The following SLC11A2 variants were observed in gnomAD, a reference collection of about 807,000 sequenced individuals.
SLC11A2 encodes solute carrier family 11 member 2.
Under a neutral mutation model 68.0 loss-of-function variants are expected in SLC11A2, and 38 were observed. The ratio of observed to expected loss-of-function variants is 0.56; its 90% CI spans 0.43 to 0.73. The LOEUF (loss-of-function observed/expected upper bound fraction) is 0.73, where lower values mean the gene tolerates loss of function less well. SLC11A2 is among the 30% of genes least tolerant of loss of function. SLC11A2 has a pLI of 0.00. For missense variants in SLC11A2, 517 were observed against 690.5 expected, an observed-to-expected ratio of 0.75 and a Z score of 2.82; for synonymous variants, 242 against 250.6, an observed-to-expected ratio of 0.97 and a Z score of 0.32.
rs1441071768 is a variant in SLC11A2 at position 50,999,334 on chromosome 12, G to A, written c.607+11C>T. Reference sequence around the variant, plus strand: ...CAGCTCCTTTGACCCTCCCATTCCCGCTCTCCTTACCATATTTGTCCAAGA... The same window carrying A: ...CAGCTCCTTTGACCCTCCCATTCCCACTCTCCTTACCATATTTGTCCAAGA... On this transcript the variant is annotated intron_variant, in intron 7 of 15. Coordinates refer to ENST00000262052, the MANE Select transcript of SLC11A2 (RefSeq NM_000617.3). 6.8e-6 allele frequency: 11 copies of A among 1,612,198 alleles called. No individual in the cohort carries two copies. The highest frequency in any genetic ancestry group is 5.5e-5 in the South Asian group (5 of 91,044).
chr12:51,003,442 A>G (rs1942443883), intron 5 of SLC11A2, among the ~76,000 whole-genome samples: 1 of 151,900 alleles, frequency 6.6e-6, no homozygotes, highest in Non-Finnish European at 1.5e-5. Flanking sequence ...AGGCTGAGGC[A>G]GGAGAATCCC....
upstream of SLC11A2, chr12:51,026,472 C>A: frequency 4.2e-6 from 3 of 713,372 alleles, no homozygotes; most frequent in Non-Finnish European, 4.1e-6. Context: ...GGCCGGGATG[C>A]GTGGCCCGCA....
At chr12:51,025,124 A>G (rs1459647802) in intron 1 of SLC11A2, among the ~76,000 whole-genome samples, 1 of 152,230 alleles carries the variant, frequency 6.6e-6, no homozygotes, top group African/African-American at 2.4e-5. Context: ...AGTCACATAT[A>G]ACTACACTAT....
chr12:50,956,160 G>A, the SLC11A2 span, among the ~76,000 whole-genome samples: 22 of 152,228 alleles, frequency 1.4e-4, no homozygotes, highest in African/African-American at 5.1e-4. Flanking sequence ...GGCAGGCCAA[G>A]GTGGGTGGAT....
the SLC11A2 span, chr12:50,954,266 C>A: frequency 2.1e-6 from 1 of 466,858 alleles, no homozygotes; most frequent in Non-Finnish European, 3.8e-6. Flanking sequence ...TGGTAAGCCC[C>A]CAGTAAATGT....
chr12:50,996,687 G>T, intron 9 of SLC11A2, 130 bp downstream of exon 9: 5 of 876,090 alleles, frequency 5.7e-6, no homozygotes, highest in East Asian at 2.6e-5. Context: ...GTTTATAAAT[G>T]TCCAGGCTTG....
the SLC11A2 span, among the ~76,000 whole-genome samples, chr12:50,967,774 T>C: frequency 6.6e-6 from 1 of 152,078 alleles, no homozygotes; most frequent in Non-Finnish European, 1.5e-5. Context: ...TTCCAAACTG[T>C]ATCAGTCAAG....
downstream of SLC11A2, among the ~76,000 whole-genome samples, chr12:50,984,925 G>T (rs750654482): frequency 8.5e-5 from 13 of 152,162 alleles, no homozygotes; most frequent in Non-Finnish European, 1.8e-4. Flanking sequence ...ACACAGGATA[G>T]TTTGGGAATG....
the SLC11A2 span, among the ~76,000 whole-genome samples, chr12:50,958,513 C>A: frequency 2.7e-5 from 4 of 150,300 alleles, no homozygotes; most frequent in Admixed American, 2.0e-4. Flanking sequence ...CATCTCCTGA[C>A]CTCGTGATCC....
In SLC11A2 at chr12:50,996,885, G is replaced by C. The variant is rs776768555; in HGVS notation, c.763C>G (p.Gln255Glu). The change falls in exon 9 of 16, where the codon CAG (glutamine) becomes GAG (glutamate). Residue 255 changes from glutamine to glutamate, a missense_variant. Coordinates refer to ENST00000262052, the MANE Select transcript of SLC11A2 (RefSeq NM_000617.3). Reference sequence around the variant, plus strand: ...ACAGCTCCCACGATGCCCACAGCCTGTTCAATCTGTGGAGTGCGACAGCCT... The same window carrying C: ...ACAGCTCCCACGATGCCCACAGCCTCTTCAATCTGTGGAGTGCGACAGCCT... ...CSGCRTPQIE[Q>E]AVGIVGAVIM... 1 of 1,614,058 alleles carries C rather than the reference G, an allele frequency of 6.2e-7. No individual in the cohort carries two copies. Among genetic ancestry groups the C allele is most frequent in the Non-Finnish European group, 8.5e-7 (1 of 1,179,976 alleles).
At chr12:50,988,647 T>C (rs1389199794) in intron 15 of SLC11A2, among the ~76,000 whole-genome samples, 1 of 152,244 alleles carries the variant, frequency 6.6e-6, no homozygotes, top group Non-Finnish European at 1.5e-5. Flanking sequence ...CATACTATTT[T>C]AAATATTGAA....
At chr12:50,996,772 C>T (rs375391302) in intron 9 of SLC11A2, 45 bp downstream of exon 9, 1 of 1,591,828 alleles carries the variant, frequency 6.3e-7, no homozygotes, top group Non-Finnish European at 8.6e-7. Flanking sequence ...AGGAAAAGAT[C>T]CCATGAACTG....
At chr12:51,017,951 A>C (rs1943774946) in intron 1 of SLC11A2, among the ~76,000 whole-genome samples, 1 of 152,204 alleles carries the variant, frequency 6.6e-6, no homozygotes, top group Admixed American at 6.6e-5. Context: ...ACTTTTCTGC[A>C]AGTTTGAAAT....
intron 1 of SLC11A2, among the ~76,000 whole-genome samples, chr12:51,017,923 C>T (rs1199255514): frequency 2.0e-5 from 3 of 152,104 alleles, no homozygotes; most frequent in Non-Finnish European, 4.4e-5. Context: ...TTGTCCATTC[C>T]CTGGTACTAC....
Position 51,015,708 on chromosome 12 carries a change from C to A in SLC11A2, c.-38-4942G>T, listed in dbSNP as rs59487164. Among the ~76,000 whole-genome samples the A allele has an allele frequency of 7.1e-3, 1,074 of 152,240 alleles. 20 individuals are homozygous for A. Among genetic ancestry groups the A allele is most frequent in the African/African-American group, 0.024 (1,000 of 41,530 alleles). On this transcript the variant is annotated intron_variant, in intron 1 of 15. Coordinates refer to ENST00000262052, the MANE Select transcript of SLC11A2 (RefSeq NM_000617.3). ...TTAGGACACAAACAACTAGAATCAA[C>A]CCAGCAATACTTTGATAAGTAACCA...
In SLC11A2 at chr12:50,987,259, G is replaced by A. The variant is rs1592305729; in HGVS notation, c.*1066C>T. On this transcript the variant is annotated 3_prime_UTR_variant, in exon 16 of 16. Transcript: ENST00000262052. Reference sequence around the variant, plus strand: ...CAACCATACTAACACCTACTGACTTGCAGAGAACGCTGAGAAAGACAGTGT... The same window carrying A: ...CAACCATACTAACACCTACTGACTTACAGAGAACGCTGAGAAAGACAGTGT... 1 of 1,287,240 alleles carries A rather than the reference G, an allele frequency of 7.8e-7. No individual in the cohort carries two copies. The highest frequency in any genetic ancestry group is 1.0e-6 in the Non-Finnish European group (1 of 988,690). The allele number at this position is 1,287,240 out of a possible 1,614,324, so 79.7% of individuals were successfully genotyped here. A position where few individuals can be genotyped will look rare whatever the true frequency, so the allele number is the denominator to read the frequency against.
intron 1 of SLC11A2, 97 bp downstream of exon 1, chr12:51,026,213 C>G: frequency 8.2e-7 from 1 of 1,217,770 alleles, no homozygotes; most frequent in Non-Finnish European, 1.0e-6. Context: ...CATCCTAGCC[C>G]CGGAGCCTGA....
At chr12:50,959,896 C>T in the SLC11A2 span, among the ~76,000 whole-genome samples, 20 of 151,942 alleles carry the variant, frequency 1.3e-4, no homozygotes, top group Non-Finnish European at 5.9e-5. Flanking sequence ...GTGATCCACC[C>T]GCCTCAACCT....
intron 6 of SLC11A2, among the ~76,000 whole-genome samples, chr12:51,000,097 C>T (rs1319105493): frequency 6.6e-6 from 1 of 152,082 alleles, no homozygotes; most frequent in Non-Finnish European, 1.5e-5. Context: ...CAAAACGCCA[C>T]ACATTCTAAT....
Sources: gnomAD v4.1 joint callset for allele counts (sites outside exome capture counted in the v4.1 genomes callset) on GRCh38, gnomAD v4.1.1 for gene constraint, MANE v1.5 for transcripts, NCBI Gene and HGNC (gene_info 2026-07-23, HGNC 2026-07-21) for gene names.